The following STOX2 variants were observed in gnomAD, a reference collection of about 807,000 sequenced individuals.
The protein encoded by STOX2 is storkhead-box protein 2.
Under a neutral mutation model 60.9 loss-of-function variants are expected in STOX2, and 28 were observed. That is an observed-to-expected ratio of 0.46 (90% CI 0.34 to 0.63). The LOEUF is 0.63. STOX2 is among the 30% of genes least tolerant of loss of function. The probability of loss-of-function intolerance (pLI) is 0.01; values close to 1 mark genes in which losing one functional copy is unlikely to be tolerated. For synonymous variants in STOX2, 472 were observed against 463.9 expected (o/e 1.02, Z -0.22); for missense variants, 1,024 against 1,187.7 (o/e 0.86, Z 2.03).
chr4:184,007,352 G>C (rs994236849), intron 2 of STOX2, among the ~76,000 whole-genome samples: 17 of 152,112 alleles, frequency 1.1e-4, no homozygotes, highest in African/African-American at 4.1e-4. Flanking sequence ...CATCTCAGCT[G>C]ACCCAGGTGT....
intron 1 of STOX2, among the ~76,000 whole-genome samples, chr4:183,803,171 G>T (rs760488816): frequency 1.3e-5 from 2 of 152,068 alleles, no homozygotes; most frequent in Admixed American, 6.6e-5. Context: ...AGAATAGCAC[G>T]GGAAAGATCC....
chr4:183,976,299 G>A (rs1042186670), intron 1 of STOX2, among the ~76,000 whole-genome samples: 1 of 151,928 alleles, frequency 6.6e-6, no homozygotes, highest in African/African-American at 2.4e-5. Flanking sequence ...GCAACAGAGC[G>A]AGACTGCGTC....
rs1415536249 is a variant in STOX2 at position 183,879,455 on chromosome 4, A to C, written c.364+81400A>C. 2.0e-5 allele frequency among the ~76,000 whole-genome samples: 3 copies of C among 152,234 alleles called. No individual in the cohort carries two copies. In the East Asian group the frequency reaches 5.8e-4, roughly 29 times the overall value. ...AGTTTCTCGGGTGTTTGTGCATCGC[A>C]CGAGTTCACAATGCGGCTGGGCGCT... On this transcript the variant is annotated intron_variant, in intron 1 of 2. Coordinates refer to the STOX2 transcript ENST00000513034.
At chr4:183,980,304 A>G (rs1732607504) in intron 1 of STOX2, among the ~76,000 whole-genome samples, 1 of 152,228 alleles carries the variant, frequency 6.6e-6, no homozygotes, top group Non-Finnish European at 1.5e-5. Context: ...GGTGTAGAGG[A>G]GAGCAAAGCC....
intron 1 of STOX2, among the ~76,000 whole-genome samples, chr4:183,922,231 C>T (rs1236283541): frequency 6.6e-6 from 1 of 152,032 alleles, no homozygotes; most frequent in Non-Finnish European, 1.5e-5. Flanking sequence ...ATAGTTTGTT[C>T]CTCAGGTGCA....
chr4:183,970,180 GT>G (rs1231558820), intron 1 of STOX2, among the ~76,000 whole-genome samples: 17 of 138,866 alleles, frequency 1.2e-4, no homozygotes, highest in African/African-American at 4.4e-4. Context: ...GTGTGTGTGT[GT>G]GGGGTTCCAG....
In STOX2 at chr4:184,011,125, T is replaced by A; in HGVS notation, c.2287T>A (p.Ser763Thr). ...AMPASQRQQE[S>T]GGNQEASFDY... ...GCCTGCTTCCCAGCGTCAGCAGGAG[T>A]CAGGAGGGAACCAGGAAGCCTCTTT... is the stretch of plus-strand genomic sequence containing the variant. The change falls in exon 3 of 4, where the codon TCA (serine) becomes ACA (threonine). Residue 763 changes from serine to threonine, a missense_variant. Ser to Thr is a moderately conservative substitution (Grantham distance 58, BLOSUM62 1). This residue lies in a region of STOX2 where 922 missense variants were observed against 1,058.3 expected (regional missense o/e 0.87). Transcript: ENST00000308497. The surrounding 1 kb of genome is among the most constrained non-coding windows in gnomAD (Gnocchi z 4.4). 1 of 1,580,458 alleles carries A rather than the reference T, an allele frequency of 6.3e-7. No individual in the cohort carries two copies. The highest frequency in any genetic ancestry group is 8.6e-7 in the Non-Finnish European group (1 of 1,165,694).
chr4:183,867,605 A>T (rs1474820132), intron 1 of STOX2, among the ~76,000 whole-genome samples: 1 of 152,180 alleles, frequency 6.6e-6, no homozygotes, highest in Non-Finnish European at 1.5e-5. Flanking sequence ...GAGGCCAGAG[A>T]TCTGAGGTTA....
chr4:183,798,066 C>A, intron 1 of STOX2: 6 of 1,226,788 alleles, frequency 4.9e-6, no homozygotes, highest in Non-Finnish European at 6.1e-6. Context: ...GTGAGTGCGA[C>A]CGCCGCGCGC....
chr4:184,015,663 A>G (rs1293459825), intron 3 of STOX2: 1 of 152,238 alleles, frequency 6.6e-6, no homozygotes, highest in African/African-American at 2.4e-5. Flanking sequence ...CAAAGATGCT[A>G]TCAGCCGAGG....
At position 183,970,181 on chromosome 4, in the gene STOX2, T is replaced by TGGGGGG. The variant is rs61235252; in HGVS notation, c.167-31140_167-31139insGGGGGG. Among the ~76,000 whole-genome samples the TGGGGGG allele has an allele frequency of 6.1e-4, 83 of 136,428 alleles. 1 individual carries two copies. The highest frequency in any genetic ancestry group is 2.3e-3 in the African/African-American group (81 of 35,246). 89.5% of individuals were successfully genotyped at this position (136,428 alleles called of 152,430 possible). ...GTGTGTGTGTGTGTGTGTGTGTGTG[T>TGGGGGG]GGGGTTCCAGCTGAATTTTCTGTCC... On this transcript the variant is annotated intron_variant, in intron 1 of 3. Transcript: ENST00000308497.
intron 1 of STOX2, among the ~76,000 whole-genome samples, chr4:183,897,797 C>T (rs1180491241): frequency 6.6e-6 from 1 of 152,172 alleles, no homozygotes; most frequent in Non-Finnish European, 1.5e-5. Flanking sequence ...TGTCAGTGTC[C>T]AGCCTTATCA....
At chr4:183,929,147 T>C (rs1292699762) in intron 1 of STOX2, among the ~76,000 whole-genome samples, 1 of 152,236 alleles carries the variant, frequency 6.6e-6, no homozygotes, top group East Asian at 1.9e-4. Flanking sequence ...TGAGATCTAG[T>C]CATGATCAAA....
chr4:183,859,231 T>C (rs1292434648), intron 1 of STOX2, among the ~76,000 whole-genome samples: 1 of 152,184 alleles, frequency 6.6e-6, no homozygotes, highest in African/African-American at 2.4e-5. Context: ...CCCAGTGTTG[T>C]AGGGTGTCAC....
chr4:184,010,707 C>T lies in STOX2; in HGVS notation c.1869C>T (p.Asp623=), dbSNP rs762556640. 1 of 1,608,546 alleles carries T rather than the reference C, an allele frequency of 6.2e-7. No individual in the cohort carries two copies. The highest frequency in any genetic ancestry group is 1.1e-5 in the South Asian group (1 of 89,988). ...APSPLGKNKE[D]HDTLTLAEGV... The stretch of plus-strand genomic sequence containing the variant: ...CACCTCTGGGAAAGAATAAGGAGGA[C>T]CATGACACTCTGACTTTGGCAGAAG... The change falls in exon 3 of 4, where the codon GAC becomes GAT. Residue 623 remains aspartate (D), a synonymous_variant. Transcript: ENST00000308497. The surrounding 1 kb of genome is among the most constrained non-coding windows in gnomAD (Gnocchi z 4.5).
chr4:184,009,788 G>T lies in STOX2; in HGVS notation c.950G>T (p.Arg317Leu). ...GAAGTAGAGATGGAAATCATTAGGC[G>T]CATTAACCCAGACCTGACCGTGGAA... ...PREVEMEIIR[R>L]INPDLTVENV... Residue 317 changes from arginine (R) to leucine (L), a missense_variant, in exon 3 of 4, where the codon CGC becomes CTC. Around this residue, in one of 3 missense-constraint regions of STOX2, gnomAD observed 922 missense variants for 1,058.3 expected, o/e 0.87. Transcript: ENST00000308497. This position sits in a 1 kb window ranked among gnomAD's most constrained non-coding sequence, Gnocchi z 4.0. 6.2e-7 allele frequency: 1 copy of T among 1,612,546 alleles called. No homozygotes were observed. The highest frequency in any genetic ancestry group is 1.1e-5 in the South Asian group (1 of 90,724).
Position 183,821,721 on chromosome 4 carries a change from C to G in STOX2, c.364+23666C>G, listed in dbSNP as rs528609749. On this transcript the variant is annotated intron_variant, in intron 1 of 2. Coordinates refer to the STOX2 transcript ENST00000513034. This position sits in a 1 kb window ranked among gnomAD's most constrained non-coding sequence, Gnocchi z 4.2. ...CCACCACCTCCCTTTTGAGCCCTGCCTAGAGGGGAGGGGAGGGGTCCCTGC... is the reference window on the plus strand; with the variant it reads ...CCACCACCTCCCTTTTGAGCCCTGCGTAGAGGGGAGGGGAGGGGTCCCTGC... 2.0e-5 allele frequency among the ~76,000 whole-genome samples: 3 copies of G among 152,318 alleles called. No individual in the cohort carries two copies. Among genetic ancestry groups the G allele is most frequent in the Non-Finnish European group, 4.4e-5 (3 of 68,024 alleles).
In STOX2 at chr4:183,999,100, T is replaced by C. The variant is rs888930391; in HGVS notation, c.167-2225T>C. 3.9e-5 allele frequency among the ~76,000 whole-genome samples: 6 copies of C among 152,152 alleles called. No homozygotes were observed. The East Asian group carries it at 5.8e-4, about 15-fold the overall frequency. ...AATGAACAAACAAAAAAACCCAGCT[T>C]TTTTTGTAGGAAAAAAAAGGATATG... On this transcript the variant is annotated intron_variant, in intron 1 of 3. Coordinates refer to ENST00000308497, the MANE Select transcript of STOX2 (RefSeq NM_020225.3).
At chr4:183,922,127 C>T (rs760137245) in intron 1 of STOX2, among the ~76,000 whole-genome samples, 3 of 152,050 alleles carry the variant, frequency 2.0e-5, no homozygotes, top group Admixed American at 6.5e-5. Flanking sequence ...AGGGTTTTAA[C>T]GATTTACAGC....
Sources: gnomAD v4.1 joint callset for allele counts (sites outside exome capture counted in the v4.1 genomes callset) on GRCh38, gnomAD v4.1.1 for gene constraint, gnomAD v4.1.1 regional missense constraint, Gnocchi (gnomAD v3.1) non-coding constraint, MANE v1.5 for transcripts, NCBI Gene and HGNC (gene_info 2026-07-23, HGNC 2026-07-21) for gene names.